Variants in DNAH5 observed in about 807,000 individuals in gnomAD.
DNAH5 encodes the protein axonemal beta dynein heavy chain 5.
In DNAH5, 372 loss-of-function variants were observed where a neutral mutation model predicts 518.2. That is an observed-to-expected ratio of 0.72 (90% confidence interval 0.66 to 0.78). DNAH5 has a LOEUF of 0.78. Among genes scored for constraint, DNAH5 ranks in the 30% least tolerant of loss-of-function variants. The probability of loss-of-function intolerance (pLI) is 0.00; values close to 1 mark genes in which losing one functional copy is unlikely to be tolerated. For missense variants in DNAH5, 5,523 were observed against 5,687.0 expected (o/e 0.97, Z 0.93); for synonymous variants, 2,039 against 2,025.9 (o/e 1.01, Z -0.17).
At chr5:13,718,166 T>G (rs1744558754) in intron 72 of DNAH5, among the ~76,000 whole-genome samples, 1 of 152,180 alleles carries the variant, frequency 6.6e-6, no homozygotes, top group African/African-American at 2.4e-5. Flanking sequence ...TAATTATATT[T>G]ATTATGGTTA....
chr5:13,706,016 T>C (rs1283258361), intron 76 of DNAH5, among the ~76,000 whole-genome samples: 1 of 152,168 alleles, frequency 6.6e-6, no homozygotes. Context: ...CAAACTTCTG[T>C]TGCTTAAGCC....
chr5:13,866,090 G>A (rs552286037), intron 26 of DNAH5, 130 bp downstream of exon 26: 40 of 933,264 alleles, frequency 4.3e-5, no homozygotes, highest in African/African-American at 1.3e-4. Context: ...CTACAATATC[G>A]TATTTTTAAT....
Position 13,826,844 on chromosome 5 carries a change from G to A in DNAH5, c.6445-2511C>T, listed in dbSNP as rs370033873. The stretch of plus-strand genomic sequence containing the variant: ...TTGGAACAGTTTGGATGGCTCAGAA[G>A]AAGACTGAAGAAATGTGGGAAAGTT... On this transcript the variant is annotated intron_variant, in intron 38 of 78. Coordinates refer to ENST00000265104, the MANE Select transcript of DNAH5 (RefSeq NM_001369.3). Among the ~76,000 whole-genome samples the A allele has an allele frequency of 3.9e-5, 6 of 152,338 alleles. No homozygotes were observed. The East Asian group carries it at 7.7e-4, about 20-fold the overall frequency.
intron 42 of DNAH5, 64 bp from the exon 43 acceptor site, chr5:13,814,910 G>A: frequency 1.4e-6 from 2 of 1,467,730 alleles, no homozygotes; most frequent in Non-Finnish European, 1.9e-6. Flanking sequence ...GTACACATAA[G>A]TTTAAAATAG....
intron 70 of DNAH5, 67 bp from the exon 71 acceptor site, chr5:13,721,312 GT>G (rs1171514307): frequency 8.1e-6 from 13 of 1,602,186 alleles, no homozygotes; most frequent in Non-Finnish European, 1.1e-5. Flanking sequence ...ATGTAGTGTG[GT>G]TTCCAAAATT....
intron 65 of DNAH5, among the ~76,000 whole-genome samples, chr5:13,748,448 G>A (rs1437603236): frequency 6.6e-6 from 1 of 152,128 alleles, no homozygotes. Context: ...GGATGGCATT[G>A]AATCTATAAA....
Position 13,855,410 on chromosome 5 carries a change from G to A in DNAH5, c.4950+4042C>T, listed in dbSNP as rs1458550340. On this transcript the variant is annotated intron_variant, in intron 30 of 78. Transcript: ENST00000265104. ...TTTTTAGTAGAGACGGGGTTTCACC[G>A]TTTTAGCCGGGATGGTCTCGATCTC... 5.1e-5 allele frequency among the ~76,000 whole-genome samples: 3 copies of A among 58,808 alleles called. 1 individual carries two copies. Among genetic ancestry groups the A allele is most frequent in the African/African-American group, 1.7e-4 (3 of 17,658 alleles). 38.6% of individuals were successfully genotyped at this position (58,808 alleles called of 152,430 possible).
chr5:13,849,478 A>C (rs1403983481), intron 31 of DNAH5, among the ~76,000 whole-genome samples: 2 of 152,210 alleles, frequency 1.3e-5, no homozygotes, highest in Admixed American at 1.3e-4. Flanking sequence ...CCTCCAAATT[A>C]CCAATTTGAG....
intron 15 of DNAH5, among the ~76,000 whole-genome samples, chr5:13,897,263 A>T (rs1377243324): frequency 1.3e-5 from 2 of 152,216 alleles, no homozygotes; most frequent in African/African-American, 4.8e-5. Flanking sequence ...GCAGCTACTT[A>T]CATATTTCCT....
chr5:13,710,724 G>T (rs1178479310), intron 75 of DNAH5, among the ~76,000 whole-genome samples: 1 of 151,984 alleles, frequency 6.6e-6, no homozygotes, highest in African/African-American at 2.4e-5. Flanking sequence ...GTCATTCAAG[G>T]CTATTATGAA....
At chr5:14,009,172 T>C (rs1295277757) in intron 1 of DNAH5, among the ~76,000 whole-genome samples, 1 of 152,160 alleles carries the variant, frequency 6.6e-6, no homozygotes, top group African/African-American at 2.4e-5. Context: ...CAAAGCCAAA[T>C]GCAAACAGAA....
intron 12 of DNAH5, among the ~76,000 whole-genome samples, chr5:13,909,803 C>A (rs77065661): frequency 6.6e-6 from 1 of 152,082 alleles, no homozygotes; most frequent in Non-Finnish European, 1.5e-5. Flanking sequence ...CTATGAGCTG[C>A]GAGGGCATAT....
chr5:13,988,805 C>T lies in DNAH5; in HGVS notation c.12+22843G>A, dbSNP rs191348877. Among the ~76,000 whole-genome samples the T allele has an allele frequency of 2.4e-3, 353 of 149,962 alleles. 1 individual carries two copies. The highest frequency in any genetic ancestry group is 3.3e-3 in the Admixed American group (49 of 14,920). ...GGTGTGGTGCGATCTCACCTCACTGCAACCTCTGCCTCCCGGGTTCAAGTG... is the reference window on the plus strand; with the variant it reads ...GGTGTGGTGCGATCTCACCTCACTGTAACCTCTGCCTCCCGGGTTCAAGTG... On this transcript the variant is annotated intron_variant, in intron 1 of 78. Coordinates refer to the DNAH5 transcript ENST00000681290.
intron 18 of DNAH5, 58 bp from the exon 19 acceptor site, chr5:13,885,286 T>C (rs745355917): frequency 4.0e-5 from 63 of 1,578,472 alleles, no homozygotes; most frequent in Non-Finnish European, 1.8e-5. Flanking sequence ...GATGGATAGA[T>C]AGACAGATAG....
chr5:13,694,146 A>T (rs902466389), intron 78 of DNAH5, among the ~76,000 whole-genome samples: 1 of 152,228 alleles, frequency 6.6e-6, no homozygotes, highest in Non-Finnish European at 1.5e-5. Flanking sequence ...AATTACAAAA[A>T]TTACAACTTG....
At chr5:13,812,506 A>C (rs959585637) in intron 43 of DNAH5, among the ~76,000 whole-genome samples, 1 of 152,148 alleles carries the variant, frequency 6.6e-6, no homozygotes, top group African/African-American at 2.4e-5. Flanking sequence ...GGGTTTTGCC[A>C]TATTGCCCAG....
chr5:13,754,099 A>G, intron 62 of DNAH5, 104 bp downstream of exon 62: 1 of 1,343,488 alleles, frequency 7.4e-7, no homozygotes, highest in Non-Finnish European at 1.1e-6. Context: ...ACATATGTAT[A>G]CATGCGCCAT....
intron 29 of DNAH5, 112 bp from the exon 30 acceptor site, chr5:13,859,717 T>TTA: frequency 9.7e-7 from 1 of 1,026,000 alleles, no homozygotes; most frequent in South Asian, 1.3e-5. Flanking sequence ...ACAACCTTAA[T>TTA]TATGTTGCTG....
intron 75 of DNAH5, among the ~76,000 whole-genome samples, chr5:13,713,438 T>TATATATAC (rs1202141705): frequency 4.6e-5 from 4 of 87,184 alleles, no homozygotes; most frequent in Non-Finnish European, 6.3e-5. Context: ...CATCGACATA[T>TATATATAC]ATATATATAT....
Sources: allele counts gnomAD v4.1 joint callset (sites outside exome capture counted in the v4.1 genomes callset), GRCh38; gene constraint gnomAD v4.1.1; transcripts MANE v1.5; gene names NCBI Gene and HGNC (gene_info 2026-07-23, HGNC 2026-07-21).